Variants in PIK3CD observed in about 807,000 individuals in gnomAD.
The protein encoded by PIK3CD is phosphatidylinositol 4,5-bisphosphate 3-kinase catalytic subunit delta isoform.
In PIK3CD, 20 loss-of-function variants were observed where a neutral mutation model predicts 122.9. The observed-to-expected ratio is 0.16, with a 90% CI of 0.11 to 0.24. The LOEUF (loss-of-function observed/expected upper bound fraction) is 0.24. Ranked by LOEUF, PIK3CD falls within the 10% of genes least tolerant of loss-of-function variation. The pLI, the probability that PIK3CD is intolerant of heterozygous loss-of-function variation, is 1.00. For synonymous variants in PIK3CD, 596 were observed against 593.4 expected, an observed-to-expected ratio of 1.00 and a Z score of -0.06; for missense variants, 787 against 1,406.3, an observed-to-expected ratio of 0.56 and a Z score of 7.04.
At chr1:9,628,233 C>T in the PIK3CD span, among the ~76,000 whole-genome samples, 6 of 151,358 alleles carry the variant, frequency 4.0e-5, no homozygotes, top group Non-Finnish European at 8.8e-5. Context: ...ATCTGGGAGG[C>T]GGAGGTTGCA....
intron 2 of PIK3CD, among the ~76,000 whole-genome samples, chr1:9,706,050 ATTT>A (rs140912843): frequency 1.2e-5 from 1 of 85,186 alleles, no homozygotes; most frequent in African/African-American, 4.8e-5. Flanking sequence ...ATTTATTGGA[ATTT>A]TTTTTTTTTT....
intron 1 of PIK3CD, among the ~76,000 whole-genome samples, chr1:9,679,668 C>T (rs573278741): frequency 7.6e-4 from 115 of 152,238 alleles, no homozygotes; most frequent in African/African-American, 2.1e-3. Flanking sequence ...ACTCCTGGTG[C>T]CATTCCTTGG....
At chr1:9,685,713 C>T (rs1366081396) in intron 1 of PIK3CD, among the ~76,000 whole-genome samples, 1 of 152,070 alleles carries the variant, frequency 6.6e-6, no homozygotes, top group African/African-American at 2.4e-5. Context: ...TGTCCAGGCT[C>T]GAGTGCAGTG....
intron 5 of PIK3CD, 172 bp from the exon 6 acceptor site, chr1:9,716,268 A>G (rs1219037583): frequency 4.9e-6 from 4 of 813,308 alleles, no homozygotes; most frequent in Non-Finnish European, 8.1e-6. Context: ...AGGATAACCA[A>G]GTGGCGTGGG....
upstream of PIK3CD, among the ~76,000 whole-genome samples, chr1:9,648,306 T>C (rs1006624074): frequency 3.9e-5 from 6 of 152,266 alleles, no homozygotes; most frequent in African/African-American, 1.4e-4. Context: ...ATGCCTCCAT[T>C]CTCCCGGCAG....
chr1:9,636,022 T>G, the PIK3CD span, among the ~76,000 whole-genome samples: 2 of 152,238 alleles, frequency 1.3e-5, no homozygotes, highest in Non-Finnish European at 2.9e-5. Context: ...AGCTTTTTAA[T>G]CTTACATTTA....
At chr1:9,656,251 G>A (rs894964472) in intron 1 of PIK3CD, among the ~76,000 whole-genome samples, 1 of 152,124 alleles carries the variant, frequency 6.6e-6, no homozygotes, top group Admixed American at 6.6e-5. Flanking sequence ...AAATGCTTGG[G>A]ACCAGAAATG....
At position 9,704,916 on chromosome 1, in the gene PIK3CD, C is replaced by T. The variant is rs1646771760; in HGVS notation, c.-32-5508C>T. Among the ~76,000 whole-genome samples the T allele has an allele frequency of 6.6e-6, 1 of 152,220 alleles. No homozygotes were observed. The highest frequency in any genetic ancestry group is 2.4e-5 in the African/African-American group (1 of 41,452). On this transcript the variant is annotated intron_variant, in intron 2 of 23. Transcript: ENST00000377346. The surrounding 1 kb of genome is among the most constrained non-coding windows in gnomAD (Gnocchi z 5.0). ...TTTTGCAATTGGAGGAAGTGGCGAC[C>T]AGCAGTGGCAGTGCCTAGAGATGTG...
chr1:9,686,366 T>TTTTC (rs1645965903), intron 1 of PIK3CD, among the ~76,000 whole-genome samples: 2 of 99,392 alleles, frequency 2.0e-5, no homozygotes, highest in Middle Eastern at 5.1e-3. Flanking sequence ...GCTAATTTTC[T>TTTTC]TTTTTTTTTT....
intron 1 of PIK3CD, among the ~76,000 whole-genome samples, chr1:9,666,315 ACTGCAACCTCTGCCC>A (rs1645158207): frequency 1.6e-5 from 2 of 126,732 alleles, no homozygotes; most frequent in Admixed American, 1.0e-4. Flanking sequence ...ATCTCGGCTC[ACTGCAACCTCTGCCC>A]CCCCAGGTTC....
At chr1:9,699,065 G>A (rs987940390) in intron 2 of PIK3CD, among the ~76,000 whole-genome samples, 8 of 152,072 alleles carry the variant, frequency 5.3e-5, no homozygotes, top group Non-Finnish European at 8.8e-5. Context: ...GCACAGTGAT[G>A]CACAGTGCAG....
chr1:9,709,347 C>T (rs749064270), intron 2 of PIK3CD, among the ~76,000 whole-genome samples: 3 of 152,000 alleles, frequency 2.0e-5, no homozygotes, highest in Non-Finnish European at 4.4e-5. Flanking sequence ...CCCGGCCTGA[C>T]TGGAATATTT....
At chr1:9,701,438 G>A (rs543446717) in intron 2 of PIK3CD, among the ~76,000 whole-genome samples, 15 of 152,232 alleles carry the variant, frequency 9.9e-5, no homozygotes, top group East Asian at 1.9e-4. Context: ...TTGGGAGGCC[G>A]AGGCAGGCAG....
intron 2 of PIK3CD, among the ~76,000 whole-genome samples, chr1:9,707,308 G>A (rs1181402770): frequency 2.0e-5 from 3 of 149,892 alleles, no homozygotes; most frequent in Admixed American, 6.6e-5. Flanking sequence ...AAGAGAGAGG[G>A]TAAATTGTGG....
At chr1:9,673,860 C>T (rs955557870) in intron 1 of PIK3CD, among the ~76,000 whole-genome samples, 7 of 152,172 alleles carry the variant, frequency 4.6e-5, no homozygotes, top group Non-Finnish European at 8.8e-5. Context: ...CAGCTCCTTT[C>T]ACACCCAGGG....
chr1:9,677,353 T>C (rs1473282951), intron 1 of PIK3CD, among the ~76,000 whole-genome samples: 3 of 151,992 alleles, frequency 2.0e-5, no homozygotes, highest in African/African-American at 7.3e-5. Flanking sequence ...CATCTTAAGA[T>C]TGCAGCAGCA....
At position 9,715,833 on chromosome 1, in the gene PIK3CD, C is replaced by T; in HGVS notation, c.371-16C>T. The T allele has an allele frequency of 6.2e-7, 1 of 1,604,378 alleles. No homozygotes were observed. The highest frequency in any genetic ancestry group is 8.5e-7 in the Non-Finnish European group (1 of 1,172,666). On this transcript the variant is annotated splice_polypyrimidine_tract_variant and intron_variant, in intron 4 of 23. Transcript: ENST00000377346. This position sits in a 1 kb window ranked among gnomAD's most constrained non-coding sequence, Gnocchi z 4.1. Reference sequence around the variant, plus strand: ...TGCCTGCCCCACCCGCTGACCCAGCCCTCCCCACCCCGCAGGCCTCCACGA... The same window carrying T: ...TGCCTGCCCCACCCGCTGACCCAGCTCTCCCCACCCCGCAGGCCTCCACGA...
intron 1 of PIK3CD, among the ~76,000 whole-genome samples, chr1:9,667,856 C>T (rs1370284658): frequency 6.6e-6 from 1 of 150,480 alleles, no homozygotes; most frequent in Non-Finnish European, 1.5e-5. Context: ...CCCACCTTAG[C>T]CTCCCAAGTA....
At chr1:9,678,076 G>A (rs1403702495) in intron 1 of PIK3CD, among the ~76,000 whole-genome samples, 2 of 151,472 alleles carry the variant, frequency 1.3e-5, no homozygotes, top group Non-Finnish European at 2.9e-5. Context: ...CCCGGGAGGC[G>A]GAGGTTGCAG....
Sources: allele counts gnomAD v4.1 joint callset (sites outside exome capture counted in the v4.1 genomes callset), GRCh38; gene constraint gnomAD v4.1.1; non-coding constraint Gnocchi (gnomAD v3.1); transcripts MANE v1.5; gene names NCBI Gene and HGNC (gene_info 2026-07-23, HGNC 2026-07-21).